Variants in INPP4B observed in about 807,000 individuals in gnomAD.
INPP4B encodes inositol polyphosphate-4-phosphatase type II B, also known as inositol polyphosphate 4-phosphatase type II.
INPP4B carries 55 observed loss-of-function variants against 122.5 expected under a neutral mutation model. That is an observed-to-expected ratio of 0.45 (90% CI 0.36 to 0.56). The LOEUF is 0.56. Ranked by LOEUF, INPP4B falls within the 20% of genes least tolerant of loss-of-function variation. INPP4B has a pLI of 0.00. For synonymous variants in INPP4B, 403 were observed against 388.7 expected, an observed-to-expected ratio of 1.04 and a Z score of -0.43; for missense variants, 1,000 against 1,097.7, an observed-to-expected ratio of 0.91 and a Z score of 1.26.
chr4:142,312,725 G>T (rs912883522), intron 8 of INPP4B, among the ~76,000 whole-genome samples: 2 of 152,130 alleles, frequency 1.3e-5, no homozygotes, highest in Non-Finnish European at 2.9e-5. Flanking sequence ...GTGGAATGGG[G>T]GTGGGCAGTG....
At chr4:142,281,325 T>G (rs1751105267) in intron 9 of INPP4B, among the ~76,000 whole-genome samples, 1 of 147,458 alleles carries the variant, frequency 6.8e-6, no homozygotes, top group African/African-American at 2.6e-5. Flanking sequence ...ACAGTCTGGA[T>G]AGATAGCTAA....
chr4:142,093,496 T>G (rs922864573), intron 23 of INPP4B, among the ~76,000 whole-genome samples: 2 of 152,188 alleles, frequency 1.3e-5, no homozygotes, highest in Admixed American at 6.5e-5. Flanking sequence ...CTTCTAAGTA[T>G]GAAAAAGTTA....
chr4:142,429,873 A>G (rs1477387609), intron 4 of INPP4B, among the ~76,000 whole-genome samples: 1 of 152,098 alleles, frequency 6.6e-6, no homozygotes, highest in Non-Finnish European at 1.5e-5. Context: ...GAGTGATCAC[A>G]TTGTGGGAAG....
chr4:142,442,394 A>C (rs1306655280), intron 3 of INPP4B, among the ~76,000 whole-genome samples: 2 of 132,726 alleles, frequency 1.5e-5, no homozygotes, highest in Non-Finnish European at 3.2e-5. Flanking sequence ...CCTGGGCAAC[A>C]GAGCAAGACT....
At chr4:142,525,844 C>G (rs911871918) in intron 2 of INPP4B, among the ~76,000 whole-genome samples, 3 of 150,262 alleles carry the variant, frequency 2.0e-5, no homozygotes, top group Non-Finnish European at 4.4e-5. Flanking sequence ...GACTTCATGT[C>G]TAAAACACCA....
chr4:142,129,516 C>T lies in INPP4B; in HGVS notation c.1721-4756G>A, dbSNP rs200358191. Among the ~76,000 whole-genome samples the T allele has an allele frequency of 5.3e-5, 8 of 152,284 alleles. No individual in the cohort carries two copies. The East Asian group carries it at 1.5e-3, about 29-fold the overall frequency. On this transcript the variant is annotated intron_variant, in intron 18 of 25. Coordinates refer to ENST00000262992, the MANE Select transcript of INPP4B (RefSeq NM_001101669.3). ...AATTCCTTTGTATGGGCATAATACA[C>T]GTCGCCAACTTTGGTCATAGACCCT...
chr4:142,128,347 A>G (rs942111177), intron 18 of INPP4B, among the ~76,000 whole-genome samples: 102 of 8,284 alleles, frequency 0.012, no homozygotes, highest in Admixed American at 0.019. Context: ...TTTTATACAC[A>G]CACACACACA....
intron 15 of INPP4B, among the ~76,000 whole-genome samples, chr4:142,183,785 T>A (rs1831929682): frequency 6.6e-6 from 1 of 152,322 alleles, no homozygotes; most frequent in South Asian, 2.1e-4. Flanking sequence ...TTACAGAAAA[T>A]AAATCCTCAA....
intron 23 of INPP4B, among the ~76,000 whole-genome samples, chr4:142,101,277 G>T (rs1404419601): frequency 6.6e-6 from 1 of 152,068 alleles, no homozygotes; most frequent in African/African-American, 2.4e-5. Flanking sequence ...GTATTCAGAT[G>T]TACCCTTTTT....
chr4:142,081,172 T>C (rs1285903786), intron 25 of INPP4B, among the ~76,000 whole-genome samples: 2 of 152,146 alleles, frequency 1.3e-5, no homozygotes, highest in African/African-American at 4.8e-5. Flanking sequence ...AGAAAACTGA[T>C]AGCTAATGGC....
chr4:142,258,298 G>A (rs1737597000), intron 11 of INPP4B, among the ~76,000 whole-genome samples: 1 of 152,018 alleles, frequency 6.6e-6, no homozygotes, highest in Admixed American at 6.6e-5. Flanking sequence ...CATGGGCAAG[G>A]ACTTCATGTC....
chr4:142,679,701 T>A (rs1035948548), intron 2 of INPP4B, among the ~76,000 whole-genome samples: 2 of 151,800 alleles, frequency 1.3e-5, no homozygotes, highest in Admixed American at 1.3e-4. Context: ...ATCTATAAGA[T>A]GAAAAGTTGA....
intron 9 of INPP4B, among the ~76,000 whole-genome samples, chr4:142,303,463 A>G (rs1762254587): frequency 6.6e-6 from 1 of 152,182 alleles, no homozygotes; most frequent in Non-Finnish European, 1.5e-5. Flanking sequence ...TTAAAATACA[A>G]CACAAAACAA....
At chr4:142,283,398 G>T (rs538056949) in intron 9 of INPP4B, among the ~76,000 whole-genome samples, 163 of 152,168 alleles carry the variant, frequency 1.1e-3, no homozygotes, top group Admixed American at 1.9e-3. Context: ...GGAGTTCAAG[G>T]AATTGGCCAA....
At chr4:142,682,258 A>G (rs771915011) in intron 2 of INPP4B, among the ~76,000 whole-genome samples, 22 of 151,588 alleles carry the variant, frequency 1.5e-4, no homozygotes, top group Middle Eastern at 3.4e-3. Context: ...CAAGAATCTT[A>G]ATCTCTCCCT....
At chr4:142,315,479 TA>T in intron 7 of INPP4B, among the ~76,000 whole-genome samples, 1 of 152,166 alleles carries the variant, frequency 6.6e-6, no homozygotes, top group Middle Eastern at 3.4e-3. Context: ...AAGAGACATG[TA>T]TCTTCAACTG....
At chr4:142,605,398 C>A (rs1474995214) in intron 2 of INPP4B, among the ~76,000 whole-genome samples, 1 of 151,824 alleles carries the variant, frequency 6.6e-6, no homozygotes, top group African/African-American at 2.4e-5. Context: ...CTAAAACACA[C>A]AGGCAATAAA....
At chr4:142,054,037 G>A (rs1756133491) in intron 25 of INPP4B, among the ~76,000 whole-genome samples, 1 of 134,084 alleles carries the variant, frequency 7.5e-6, no homozygotes, top group Non-Finnish European at 1.7e-5. Flanking sequence ...AATTCTAATC[G>A]ACCCTCACCT....
chr4:142,108,143 T>C lies in INPP4B; in HGVS notation c.2324A>G (p.Glu775Gly), dbSNP rs749827713. 1.2e-6 allele frequency: 2 copies of C among 1,601,760 alleles called. No individual in the cohort carries two copies. The highest frequency in any genetic ancestry group is 3.3e-5 in the Admixed American group (2 of 59,760). ...LQESINQENF[E>G]LLQEYYKIFM... ...TATCTTGTAATATTCTTGTAGAAGTTCGAAGTTTTCCTGATTAATACTTTC... is the reference window on the plus strand; with the variant it reads ...TATCTTGTAATATTCTTGTAGAAGTCCGAAGTTTTCCTGATTAATACTTTC... Residue 775 changes from glutamate (E) to glycine (G), a missense_variant, in exon 23 of 26, where the codon GAA becomes GGA. Physicochemically the swap from Glu to Gly is moderately conservative, Grantham distance 98 (BLOSUM62 -2). Transcript: ENST00000262992.
Sources: allele counts gnomAD v4.1 joint callset (sites outside exome capture counted in the v4.1 genomes callset), GRCh38; gene constraint gnomAD v4.1.1; transcripts MANE v1.5; gene names NCBI Gene and HGNC (gene_info 2026-07-23, HGNC 2026-07-21).